BBX: variants seen among roughly 807,000 people sequenced by gnomAD.
The protein encoded by BBX is BBX high mobility group box domain containing.
BBX carries 30 observed loss-of-function variants against 100.2 expected under a neutral mutation model. The observed-to-expected ratio is 0.30, with a 90% confidence interval of 0.22 to 0.41. The LOEUF (loss-of-function observed/expected upper bound fraction) is 0.41. Ranked by LOEUF, BBX falls within the 10% of genes least tolerant of loss-of-function variation. BBX has a pLI of 1.00. For missense variants in BBX, 1,023 were observed against 1,129.8 expected (o/e 0.91, Z 1.35); for synonymous variants, 376 against 388.1 (o/e 0.97, Z 0.37).
chr3:107,734,243 A>C (rs993870424), intron 7 of BBX, among the ~76,000 whole-genome samples: 1 of 152,178 alleles, frequency 6.6e-6, no homozygotes, highest in Non-Finnish European at 1.5e-5. Context: ...ATTGTTGACT[A>C]TATATTCAAT....
intron 7 of BBX, among the ~76,000 whole-genome samples, chr3:107,733,846 G>T (rs900121798): frequency 6.6e-6 from 1 of 152,126 alleles, no homozygotes; most frequent in African/African-American, 2.4e-5. Flanking sequence ...GACTGCTTTG[G>T]CTAAACATTT....
chr3:107,535,926 C>T (rs182637248), intron 2 of BBX, among the ~76,000 whole-genome samples: 5 of 152,322 alleles, frequency 3.3e-5, no homozygotes, highest in Admixed American at 3.3e-4. Flanking sequence ...AATACTTAAT[C>T]AGTGAATATA....
chr3:107,592,319 C>A (rs2053381161), intron 2 of BBX, among the ~76,000 whole-genome samples: 1 of 128,886 alleles, frequency 7.8e-6, no homozygotes, highest in African/African-American at 3.1e-5. Context: ...CGAGATTGCA[C>A]CAGTGCACTC....
chr3:107,791,765 G>A (rs1227707102), intron 15 of BBX, among the ~76,000 whole-genome samples: 1 of 152,172 alleles, frequency 6.6e-6, no homozygotes, highest in African/African-American at 2.4e-5. Flanking sequence ...TACCTCGGGA[G>A]GCCAAGGCGG....
intron 2 of BBX, among the ~76,000 whole-genome samples, chr3:107,620,718 G>A (rs950884722): frequency 6.6e-6 from 1 of 152,164 alleles, no homozygotes; most frequent in Non-Finnish European, 1.5e-5. Context: ...GAAGGGATAG[G>A]AATGACTCAT....
intron 10 of BBX, among the ~76,000 whole-genome samples, chr3:107,764,137 C>T (rs1467103943): frequency 1.3e-5 from 2 of 152,134 alleles, no homozygotes; most frequent in South Asian, 2.1e-4. Context: ...GGATTACAGG[C>T]GCCCGCCACC....
chr3:107,663,334 A>G (rs1438600245), intron 3 of BBX, among the ~76,000 whole-genome samples: 1 of 152,176 alleles, frequency 6.6e-6, no homozygotes, highest in East Asian at 1.9e-4. Flanking sequence ...AAACTATGAT[A>G]ATTTTTTTTG....
chr3:107,761,929 T>C (rs2065932958), intron 10 of BBX, among the ~76,000 whole-genome samples: 1 of 152,164 alleles, frequency 6.6e-6, no homozygotes, highest in Non-Finnish European at 1.5e-5. Flanking sequence ...GCATTATCCC[T>C]TCCATCCTAT....
chr3:107,523,829 T>TC (rs1488619098), intron 1 of BBX, among the ~76,000 whole-genome samples: 4 of 152,008 alleles, frequency 2.6e-5, no homozygotes, highest in Non-Finnish European at 5.9e-5. Flanking sequence ...ATTTGGGTGT[T>TC]CCGGCCCCGC....
intron 2 of BBX, among the ~76,000 whole-genome samples, chr3:107,527,564 T>C (rs961154083): frequency 2.6e-5 from 4 of 152,242 alleles, no homozygotes; most frequent in African/African-American, 9.6e-5. Context: ...TTGAAGACTT[T>C]AGATAATCTA....
chr3:107,791,149 G>A (rs1003581549), intron 14 of BBX, 91 bp from the exon 15 acceptor site: 1 of 1,038,660 alleles, frequency 9.6e-7, no homozygotes, highest in Non-Finnish European at 1.5e-6. Flanking sequence ...TGTTTCAAAA[G>A]TTAGTTTGTA....
chr3:107,593,700 C>G (rs187943625), intron 2 of BBX, among the ~76,000 whole-genome samples: 96 of 152,252 alleles, frequency 6.3e-4, no homozygotes, highest in African/African-American at 2.2e-3. Context: ...AGGATGCAAC[C>G]TAATTCCGCC....
chr3:107,787,861 A>G (rs1446681853), intron 13 of BBX, among the ~76,000 whole-genome samples: 1 of 152,178 alleles, frequency 6.6e-6, no homozygotes, highest in African/African-American at 2.4e-5. Flanking sequence ...TAGGCAAGGT[A>G]ATGGCTGGTT....
chr3:107,801,412 A>G, intron 17 of BBX, 131 bp downstream of exon 17: 1 of 923,876 alleles, frequency 1.1e-6, no homozygotes, highest in Non-Finnish European at 1.6e-6. Flanking sequence ...TATATGAGGT[A>G]TTACAAAAGC....
chr3:107,572,243 A>C (rs1372411489), intron 2 of BBX, among the ~76,000 whole-genome samples: 2 of 152,202 alleles, frequency 1.3e-5, no homozygotes, highest in Non-Finnish European at 2.9e-5. Context: ...CCCGTCTGCT[A>C]TATTCACGTA....
chr3:107,689,476 T>C (rs1559973815), intron 3 of BBX, among the ~76,000 whole-genome samples: 1 of 152,216 alleles, frequency 6.6e-6, no homozygotes, highest in Admixed American at 6.5e-5. Context: ...GTGCTCTCCA[T>C]CAATAAAGCG....
chr3:107,640,748 G>A (rs1025453647), intron 2 of BBX, among the ~76,000 whole-genome samples: 7 of 151,932 alleles, frequency 4.6e-5, no homozygotes, highest in South Asian at 2.1e-4. Context: ...TGCAACCTCC[G>A]TCTCCCGGGT....
At position 107,791,274 on chromosome 3, in the gene BBX, C is replaced by T. The variant is rs1481132564; in HGVS notation, c.2328C>T (p.Phe776=). Reference sequence around the variant, plus strand: ...ATAAATGGTCAAACAAGCAACTCTTCTTGGATGCCATTCACCCTACAGAAG... The same window carrying T: ...ATAAATGGTCAAACAAGCAACTCTTTTTGGATGCCATTCACCCTACAGAAG... The part of the protein sequence containing the change: ...SGDKWSNKQL[F]LDAIHPTEAI... Residue 776 remains phenylalanine (F), a synonymous_variant, in exon 15 of 18, where the codon TTC becomes TTT. Transcript: ENST00000325805. The T allele has an allele frequency of 4.3e-6, 7 of 1,613,226 alleles. No individual in the cohort carries two copies. In the African/African-American group the frequency reaches 9.3e-5, roughly 22 times the overall value.
At chr3:107,603,208 C>A (rs1411845315) in intron 2 of BBX, among the ~76,000 whole-genome samples, 1 of 152,042 alleles carries the variant, frequency 6.6e-6, no homozygotes, top group Non-Finnish European at 1.5e-5. Context: ...TTGTGATCCA[C>A]CTGCCTCGGC....
Sources: allele counts gnomAD v4.1 joint callset (sites outside exome capture counted in the v4.1 genomes callset), GRCh38; gene constraint gnomAD v4.1.1; transcripts MANE v1.5; gene names NCBI Gene and HGNC (gene_info 2026-07-23, HGNC 2026-07-21).